Variants in ZNF532 observed in about 807,000 individuals in gnomAD.
ZNF532 encodes zinc finger protein 532.
A neutral mutation model predicts 89.3 loss-of-function variants in ZNF532; 22 were observed. The observed-to-expected ratio is 0.25, with a 90% CI of 0.18 to 0.35. The LOEUF (loss-of-function observed/expected upper bound fraction) is 0.35, where lower values mean the gene tolerates loss of function less well. ZNF532 is among the 10% of genes least tolerant of loss of function. The pLI is 1.00. For missense variants in ZNF532, 1,132 were observed against 1,643.4 expected (o/e 0.69, Z 5.38); for synonymous variants, 606 against 649.6 (o/e 0.93, Z 1.02).
At chr18:58,916,648 G>A (rs2060621952) in intron 2 of ZNF532, 3 of 945,636 alleles carry the variant, frequency 3.2e-6, no homozygotes, top group Non-Finnish European at 3.8e-6. Flanking sequence ...AGCTCCCATC[G>A]AACCCTAAGT....
chr18:58,920,017 A>C lies in ZNF532; in HGVS notation c.1730A>C (p.Gln577Pro). 6.2e-7 allele frequency: 1 copy of C among 1,613,818 alleles called. No individual in the cohort carries two copies. The highest frequency in any genetic ancestry group is 8.5e-7 in the Non-Finnish European group (1 of 1,179,784). The change falls in exon 3 of 10, where the codon CAG (glutamine) becomes CCG (proline). Residue 577 changes from glutamine (Q) to proline (P), a missense_variant. This residue lies in a region of ZNF532 where 97 missense variants were observed against 143.7 expected (regional missense o/e 0.68). Transcript: ENST00000591808. Reference sequence around the variant, plus strand: ...CGAGTCCAGGTGGTGTCGTCCTTGCAGAGTTCTGTGGTGGAAGCTTTCAAC... The same window carrying C: ...CGAGTCCAGGTGGTGTCGTCCTTGCCGAGTTCTGTGGTGGAAGCTTTCAAC... The part of the protein sequence containing the change: ...VSRVQVVSSL[Q>P]SSVVEAFNKV...
At chr18:58,866,785 C>G (rs984977967) in intron 2 of ZNF532, among the ~76,000 whole-genome samples, 1 of 152,176 alleles carries the variant, frequency 6.6e-6, no homozygotes, top group Non-Finnish European at 1.5e-5. Context: ...ACAGAACATC[C>G]ACTATGTGAT....
chr18:58,881,626 A>AC (rs34546012), intron 2 of ZNF532, among the ~76,000 whole-genome samples: 64,251 of 151,630 alleles, frequency 0.42, 14,131 homozygotes, highest in East Asian at 0.63. Flanking sequence ...AGTTTGTCTT[A>AC]TAGAAAGCCC....
At chr18:58,920,845 T>C (rs2061012240) in intron 3 of ZNF532, among the ~76,000 whole-genome samples, 1 of 149,620 alleles carries the variant, frequency 6.7e-6, no homozygotes, top group African/African-American at 2.5e-5. Context: ...CCAGTAAGGA[T>C]TGTTTTCATA....
chr18:58,901,831 C>G (rs546834045), intron 2 of ZNF532, among the ~76,000 whole-genome samples: 1 of 152,130 alleles, frequency 6.6e-6, no homozygotes, highest in Non-Finnish European at 1.5e-5. Flanking sequence ...TGGCTTCGCA[C>G]CCCACCCTGC....
chr18:58,903,586 G>A (rs1020587491), intron 2 of ZNF532, among the ~76,000 whole-genome samples: 5 of 152,162 alleles, frequency 3.3e-5, no homozygotes, highest in African/African-American at 1.2e-4. Flanking sequence ...CTGCAAAATA[G>A]CGCCAGGGAA....
intron 5 of ZNF532, among the ~76,000 whole-genome samples, chr18:58,942,025 T>G (rs142655131): frequency 2.8e-3 from 399 of 143,984 alleles, no homozygotes; most frequent in African/African-American, 9.9e-3. Flanking sequence ...TCTTTTCTTT[T>G]TTTCTACCCC....
At chr18:58,978,966 ATTTAAC>A (rs1761624209) in intron 7 of ZNF532, 83 bp from the exon 8 acceptor site, 2 of 1,072,488 alleles carry the variant, frequency 1.9e-6, no homozygotes, top group Non-Finnish European at 1.4e-6. Context: ...TGTAATAATG[ATTTAAC>A]TTAAACTATT....
At chr18:58,918,192 G>A in intron 2 of ZNF532, 79 bp from the exon 3 acceptor site, 3 of 1,283,116 alleles carry the variant, frequency 2.3e-6, no homozygotes, top group Non-Finnish European at 3.2e-6. Flanking sequence ...CGTTATGTTA[G>A]TGTGAATTGT....
rs1198340795 is a variant in ZNF532, at chr18:58,934,402, C to T, written c.2347-31C>T. The T allele has an allele frequency of 2.5e-6, 4 of 1,603,912 alleles. No individual in the cohort carries two copies. In the East Asian group the frequency reaches 8.9e-5, roughly 36 times the overall value. ...GCATATTAGAAAGTACTTAGTAGGACCAACCCTGTTTCCCCCTTTGGTTTG... is the reference window on the plus strand; with the variant it reads ...GCATATTAGAAAGTACTTAGTAGGATCAACCCTGTTTCCCCCTTTGGTTTG... On this transcript the variant is annotated intron_variant, in intron 3 of 9. Transcript: ENST00000591808.
chr18:58,963,022 C>A (rs2065519996), intron 7 of ZNF532, among the ~76,000 whole-genome samples: 1 of 152,142 alleles, frequency 6.6e-6, no homozygotes, highest in Admixed American at 6.5e-5. Context: ...CTGTGGCCCT[C>A]ACTGTGTGAC....
intron 2 of ZNF532, among the ~76,000 whole-genome samples, chr18:58,896,894 G>C (rs17761385): frequency 0.076 from 11,559 of 152,206 alleles, 829 homozygotes; most frequent in African/African-American, 0.18. Context: ...AATAAGTAGG[G>C]AGACAAGATC....
chr18:58,947,466 A>G (rs1344525131), intron 5 of ZNF532, among the ~76,000 whole-genome samples: 1 of 152,236 alleles, frequency 6.6e-6, no homozygotes, highest in Non-Finnish European at 1.5e-5. Flanking sequence ...AAAGCGTAAG[A>G]AACATTCAAG....
intron 7 of ZNF532, among the ~76,000 whole-genome samples, chr18:58,968,091 T>G (rs7245090): frequency 0.077 from 11,714 of 152,160 alleles, 981 homozygotes; most frequent in African/African-American, 0.21. Context: ...CTTAAGACAT[T>G]TGTAGTTCAT....
At chr18:58,878,130 C>G (rs1284996121) in intron 2 of ZNF532, among the ~76,000 whole-genome samples, 2 of 152,122 alleles carry the variant, frequency 1.3e-5, no homozygotes, top group Admixed American at 6.6e-5. Flanking sequence ...TGGCATGCAC[C>G]TGTATTCCCA....
intron 2 of ZNF532, among the ~76,000 whole-genome samples, chr18:58,891,003 G>A (rs928492348): frequency 6.6e-6 from 1 of 151,720 alleles, no homozygotes; most frequent in Non-Finnish European, 1.5e-5. Flanking sequence ...CCACCGTATC[G>A]GGCTAACTGG....
At chr18:58,982,670 C>T (rs1045144833) in intron 9 of ZNF532, among the ~76,000 whole-genome samples, 14 of 152,152 alleles carry the variant, frequency 9.2e-5, no homozygotes, top group Non-Finnish European at 1.8e-4. Context: ...CTCCTGTCTT[C>T]GGTGCTATGC....
At chr18:58,874,287 A>G (rs958468836) in intron 2 of ZNF532, among the ~76,000 whole-genome samples, 4 of 152,074 alleles carry the variant, frequency 2.6e-5, no homozygotes, top group African/African-American at 9.7e-5. Context: ...ACTTGGCTCT[A>G]CTTTCATTTG....
At chr18:58,907,964 A>C (rs980964240) in intron 2 of ZNF532, among the ~76,000 whole-genome samples, 1 of 152,168 alleles carries the variant, frequency 6.6e-6, no homozygotes, top group Non-Finnish European at 1.5e-5. Context: ...TGAATGTGAT[A>C]CTGGCCAAAT....
Sources: gnomAD v4.1 joint callset for allele counts (sites outside exome capture counted in the v4.1 genomes callset) on GRCh38, gnomAD v4.1.1 for gene constraint, gnomAD v4.1.1 regional missense constraint, MANE v1.5 for transcripts, NCBI Gene and HGNC (gene_info 2026-07-23, HGNC 2026-07-21) for gene names.